Variants in CREB5 observed in about 807,000 individuals in gnomAD.
CREB5 encodes the protein cyclic AMP-responsive element-binding protein 5.
A neutral mutation model predicts 57.1 loss-of-function variants in CREB5; 19 were observed. That is an observed-to-expected ratio of 0.33 (90% CI 0.23 to 0.49). The LOEUF (loss-of-function observed/expected upper bound fraction) is 0.49. Among genes scored for constraint, CREB5 ranks in the 20% least tolerant of loss-of-function variants. The probability of loss-of-function intolerance (pLI) is 0.99; values close to 1 mark genes in which losing one functional copy is unlikely to be tolerated. For missense variants in CREB5, 579 were observed against 671.6 expected (o/e 0.86, Z 1.52); for synonymous variants, 238 against 238.3 (o/e 1.00, Z 0.01).
At chr7:28,775,566 T>TATATATATATATATATATATG (rs1396993277) in intron 7 of CREB5, among the ~76,000 whole-genome samples, 1 of 82,546 alleles carries the variant, frequency 1.2e-5, no homozygotes, top group Non-Finnish European at 2.5e-5. Flanking sequence ...ATATATATAT[T>TATATATATATATATATATATG]AGCGTATTTT....
chr7:28,560,828 G>A (rs1215982828), intron 4 of CREB5, among the ~76,000 whole-genome samples: 5 of 131,060 alleles, frequency 3.8e-5, no homozygotes, highest in Admixed American at 2.2e-4. Flanking sequence ...GTGTGCGCGC[G>A]CGCGCGTGTG....
intron 7 of CREB5, among the ~76,000 whole-genome samples, chr7:28,733,128 C>G (rs527880240): frequency 6.6e-6 from 1 of 152,220 alleles, no homozygotes; most frequent in African/African-American, 2.4e-5. Context: ...AGATTTTAAT[C>G]CAACTGTGGC....
At chr7:28,663,308 G>A (rs746575459) in intron 5 of CREB5, among the ~76,000 whole-genome samples, 3 of 151,846 alleles carry the variant, frequency 2.0e-5, no homozygotes, top group Admixed American at 6.6e-5. Flanking sequence ...AGGCTCAAGC[G>A]ATTCTCCCAT....
At chr7:28,540,930 T>C (rs1479608888) in intron 4 of CREB5, among the ~76,000 whole-genome samples, 1 of 152,132 alleles carries the variant, frequency 6.6e-6, no homozygotes, top group African/African-American at 2.4e-5. Context: ...TGCTCTTCAT[T>C]CTCTCTTGAA....
At chr7:28,304,579 T>C (rs562051244) in intron 1 of CREB5, among the ~76,000 whole-genome samples, 9 of 152,306 alleles carry the variant, frequency 5.9e-5, no homozygotes, top group Non-Finnish European at 1.2e-4. Context: ...CTTGTTCCTA[T>C]CTCTTTCACC....
chr7:28,756,438 C>A (rs1249003671), intron 7 of CREB5, among the ~76,000 whole-genome samples: 2 of 151,982 alleles, frequency 1.3e-5, no homozygotes, highest in African/African-American at 2.4e-5. Flanking sequence ...TGCCTGTAAT[C>A]CCAGCTACTA....
At chr7:28,490,278 C>T (rs1791741975) in intron 2 of CREB5, among the ~76,000 whole-genome samples, 1 of 152,180 alleles carries the variant, frequency 6.6e-6, no homozygotes, top group Non-Finnish European at 1.5e-5. Flanking sequence ...TTGCAATTTT[C>T]CATGAAGGAA....
chr7:28,670,012 T>A (rs1245968648), intron 5 of CREB5, among the ~76,000 whole-genome samples: 2 of 152,214 alleles, frequency 1.3e-5, no homozygotes, highest in Non-Finnish European at 2.9e-5. Flanking sequence ...CTCTGCCACA[T>A]GCGAGAGAAA....
At chr7:28,330,513 T>G (rs1785695903) in intron 1 of CREB5, among the ~76,000 whole-genome samples, 1 of 150,864 alleles carries the variant, frequency 6.6e-6, no homozygotes, top group East Asian at 1.9e-4. Flanking sequence ...ATATTATTAA[T>G]GACAGATTGA....
chr7:28,694,330 AC>A (rs962990605), intron 5 of CREB5, among the ~76,000 whole-genome samples: 11 of 152,036 alleles, frequency 7.2e-5, no homozygotes, highest in African/African-American at 2.7e-4. Flanking sequence ...ACCAGCATCC[AC>A]CCTAATATGG....
Position 28,488,112 on chromosome 7 carries a change from G to A in CREB5, c.4-63G>A, listed in dbSNP as rs1385498989. The A allele has an allele frequency of 3.4e-6, 5 of 1,490,358 alleles. No homozygotes were observed. The African/African-American group carries it at 4.1e-5, about 12-fold the overall frequency. The allele number at this position is 1,490,358 out of a possible 1,614,324, so 92.3% of individuals were successfully genotyped here. On this transcript the variant is annotated intron_variant, in intron 1 of 10. Coordinates refer to ENST00000357727, the MANE Select transcript of CREB5 (RefSeq NM_182898.4). Reference sequence around the variant, plus strand: ...GTGATTGCCTTTCTCACGTTGCTCAGGTAGAAGCAGAAGATATTCATGGAT... The same window carrying A: ...GTGATTGCCTTTCTCACGTTGCTCAAGTAGAAGCAGAAGATATTCATGGAT...
intron 5 of CREB5, among the ~76,000 whole-genome samples, chr7:28,701,934 A>G (rs1481846519): frequency 6.6e-6 from 1 of 152,244 alleles, no homozygotes; most frequent in African/African-American, 2.4e-5. Context: ...CTGTGAACCA[A>G]TAGGCCAAAG....
intron 1 of CREB5, 152 bp from the exon 2 acceptor site, chr7:28,488,023 G>A: frequency 1.6e-6 from 1 of 626,346 alleles, no homozygotes; most frequent in South Asian, 1.8e-5. Context: ...AGCAGGGCCT[G>A]TGCTCACTCA....
intron 4 of CREB5, among the ~76,000 whole-genome samples, chr7:28,537,273 T>C (rs28571772): frequency 0.6 from 91,664 of 151,866 alleles, 27,839 homozygotes; most frequent in South Asian, 0.71. Flanking sequence ...ATTAACATAT[T>C]TGTCATCTCA....
At chr7:28,766,860 C>T (rs1157944828) in intron 7 of CREB5, among the ~76,000 whole-genome samples, 1 of 152,182 alleles carries the variant, frequency 6.6e-6, no homozygotes, top group Non-Finnish European at 1.5e-5. Flanking sequence ...GTGTCTTCAT[C>T]AAAGAGAGGT....
intron 1 of CREB5, among the ~76,000 whole-genome samples, chr7:28,448,017 C>T (rs1312754761): frequency 6.6e-6 from 1 of 152,098 alleles, no homozygotes; most frequent in Non-Finnish European, 1.5e-5. Context: ...AGGGTGTTGC[C>T]AAAAGAGATT....
intron 5 of CREB5, among the ~76,000 whole-genome samples, chr7:28,614,660 A>G (rs1177647702): frequency 6.6e-6 from 1 of 152,190 alleles, no homozygotes; most frequent in Non-Finnish European, 1.5e-5. Context: ...ATTTTTAAGA[A>G]TTTAGAAAAA....
intron 5 of CREB5, among the ~76,000 whole-genome samples, chr7:28,571,836 G>A (rs1795716119): frequency 6.6e-6 from 1 of 152,208 alleles, no homozygotes; most frequent in Non-Finnish European, 1.5e-5. Context: ...TTAAGCCAAA[G>A]AGCTGTGATA....
At chr7:28,356,171 CA>C (rs1166873281) in intron 1 of CREB5, among the ~76,000 whole-genome samples, 4 of 152,124 alleles carry the variant, frequency 2.6e-5, no homozygotes, top group Non-Finnish European at 5.9e-5. Context: ...GTAAATAAAT[CA>C]GGGGGCACTT....
Sources: gnomAD v4.1 joint callset for allele counts (sites outside exome capture counted in the v4.1 genomes callset) on GRCh38, gnomAD v4.1.1 for gene constraint, MANE v1.5 for transcripts, NCBI Gene and HGNC (gene_info 2026-07-23, HGNC 2026-07-21) for gene names.